Variants in TCERG1L observed in about 807,000 individuals in gnomAD.
TCERG1L encodes the protein transcription elongation regulator 1-like protein.
In TCERG1L, 37 loss-of-function variants were observed where a neutral mutation model predicts 56.3. The ratio of observed to expected loss-of-function variants is 0.66; its 90% confidence interval spans 0.51 to 0.87. The LOEUF (loss-of-function observed/expected upper bound fraction) is 0.87, where lower values mean the gene tolerates loss of function less well. Ranked by LOEUF, TCERG1L falls within the 40% of genes least tolerant of loss-of-function variation. TCERG1L has a pLI of 0.00. For missense variants in TCERG1L, 799 were observed against 774.2 expected, an observed-to-expected ratio of 1.03 and a Z score of -0.38; for synonymous variants, 324 against 326.3, an observed-to-expected ratio of 0.99 and a Z score of 0.08.
At chr10:131,104,498 G>A in intron 9 of TCERG1L, 144 bp from the exon 10 acceptor site, 1 of 564,358 alleles carries the variant, frequency 1.8e-6, no homozygotes, top group East Asian at 2.9e-5. Context: ...TGCAGTATAA[G>A]TGTTAGACAT....
intron 4 of TCERG1L, among the ~76,000 whole-genome samples, chr10:131,217,708 CTTTTTTTTTTTT>C (rs534101797): frequency 1.8e-4 from 14 of 79,046 alleles, no homozygotes; most frequent in Non-Finnish European, 3.0e-4. Context: ...AGTAGCTGCC[CTTTTTTTTTTTT>C]TTTTTTTTTT....
intron 3 of TCERG1L, among the ~76,000 whole-genome samples, chr10:131,286,458 A>G (rs1244246025): frequency 6.6e-6 from 1 of 152,244 alleles, no homozygotes; most frequent in Non-Finnish European, 1.5e-5. Context: ...GCACCCGCAT[A>G]CTAGCCTTAT....
intron 10 of TCERG1L, among the ~76,000 whole-genome samples, chr10:131,100,089 A>C (rs978902405): frequency 9.2e-5 from 14 of 151,604 alleles, no homozygotes; most frequent in African/African-American, 2.7e-4. Context: ...CTGGTTGCGA[A>C]CTCCTGACCT....
At chr10:131,219,896 C>T (rs949982264) in intron 4 of TCERG1L, among the ~76,000 whole-genome samples, 28 of 152,306 alleles carry the variant, frequency 1.8e-4, no homozygotes, top group African/African-American at 6.5e-4. Context: ...GGCTCACCCT[C>T]GGATGAGCGT....
intron 4 of TCERG1L, among the ~76,000 whole-genome samples, chr10:131,247,527 A>G (rs112695991): frequency 0.012 from 1,893 of 152,264 alleles, 36 homozygotes; most frequent in African/African-American, 0.039. Flanking sequence ...CGAGGCCCTG[A>G]GGCTTATGAA....
chr10:131,204,753 G>A (rs1845498074), intron 4 of TCERG1L, among the ~76,000 whole-genome samples: 1 of 152,252 alleles, frequency 6.6e-6, no homozygotes, highest in African/African-American at 2.4e-5. Flanking sequence ...AGGCCCCGAT[G>A]GCAGTGGACT....
intron 3 of TCERG1L, among the ~76,000 whole-genome samples, chr10:131,293,356 G>A (rs779730303): frequency 1.3e-5 from 2 of 152,054 alleles, no homozygotes; most frequent in African/African-American, 2.4e-5. Context: ...GAGTATCGCC[G>A]TCTTGGACAA....
At chr10:131,293,048 G>A (rs1846649857) in intron 3 of TCERG1L, among the ~76,000 whole-genome samples, 2 of 151,912 alleles carry the variant, frequency 1.3e-5, no homozygotes, top group African/African-American at 2.4e-5. Flanking sequence ...ACAGCGTTTC[G>A]CCATGTTGGC....
intron 4 of TCERG1L, among the ~76,000 whole-genome samples, chr10:131,245,399 T>A (rs531648681): frequency 1.4e-4 from 20 of 139,204 alleles, no homozygotes; most frequent in Admixed American, 3.0e-4. Flanking sequence ...GTTAATTGGT[T>A]TAAAATAATA....
intron 8 of TCERG1L, among the ~76,000 whole-genome samples, chr10:131,130,128 G>A (rs893717929): frequency 3.3e-5 from 5 of 151,484 alleles, no homozygotes; most frequent in East Asian, 1.9e-4. Context: ...ACAGTTCCAC[G>A]GTTCTGGGAG....
chr10:131,289,587 C>T (rs113818294), intron 3 of TCERG1L, among the ~76,000 whole-genome samples: 1 of 48,818 alleles, frequency 2.0e-5, no homozygotes, highest in African/African-American at 5.7e-5. Context: ...CCTCCATCTC[C>T]TATCAATGTG....
chr10:131,297,513 A>T (rs1846711597), intron 3 of TCERG1L, among the ~76,000 whole-genome samples: 1 of 152,184 alleles, frequency 6.6e-6, no homozygotes, highest in Non-Finnish European at 1.5e-5. Context: ...GTATGTTCAA[A>T]AATTGTATTG....
At chr10:131,128,656 G>A (rs896247003) in intron 8 of TCERG1L, among the ~76,000 whole-genome samples, 3 of 152,170 alleles carry the variant, frequency 2.0e-5, no homozygotes, top group South Asian at 2.1e-4. Flanking sequence ...CAGTTTAAAC[G>A]ATACCTTGAG....
In TCERG1L at chr10:131,136,771, C is replaced by T. The variant is rs1017845952; in HGVS notation, c.1190-2323G>A. ...TCAGCCTTCCATAATGCTGGGATTA[C>T]AGGCGTGAGCCACCATGCCGGGCCA... On this transcript the variant is annotated intron_variant, in intron 7 of 11. Coordinates refer to ENST00000368642, the MANE Select transcript of TCERG1L (RefSeq NM_174937.4). Among the ~76,000 whole-genome samples the T allele has an allele frequency of 7.9e-5, 12 of 151,314 alleles. No individual in the cohort carries two copies. The East Asian group carries it at 1.8e-3, about 23-fold the overall frequency.
intron 4 of TCERG1L, among the ~76,000 whole-genome samples, chr10:131,203,352 C>A (rs1035988910): frequency 1.4e-5 from 2 of 144,656 alleles, no homozygotes; most frequent in South Asian, 4.4e-4. Flanking sequence ...CAGTGGTGAC[C>A]TTCATGGTCT....
At chr10:131,215,505 T>C (rs1362311926) in intron 4 of TCERG1L, among the ~76,000 whole-genome samples, 28 of 152,180 alleles carry the variant, frequency 1.8e-4, no homozygotes, top group Non-Finnish European at 2.9e-5. Flanking sequence ...AGGAGATGAA[T>C]GAATCCAACC....
At chr10:131,159,333 T>C (rs1181309288) in intron 6 of TCERG1L, among the ~76,000 whole-genome samples, 1 of 152,176 alleles carries the variant, frequency 6.6e-6, no homozygotes, top group African/African-American at 2.4e-5. Flanking sequence ...TGGGCTGTTG[T>C]GCCTCTGGCA....
intron 4 of TCERG1L, among the ~76,000 whole-genome samples, chr10:131,240,197 A>C (rs1395355090): frequency 6.6e-6 from 1 of 152,106 alleles, no homozygotes; most frequent in Non-Finnish European, 1.5e-5. Flanking sequence ...TGTCCTTTTC[A>C]TGCCCAGTTC....
At chr10:131,184,231 G>T (rs12255029) in intron 4 of TCERG1L, among the ~76,000 whole-genome samples, 1 of 152,094 alleles carries the variant, frequency 6.6e-6, no homozygotes, top group African/African-American at 2.4e-5. Flanking sequence ...CTATTCTAGC[G>T]TATCACATTT....
Sources: allele counts gnomAD v4.1 joint callset (sites outside exome capture counted in the v4.1 genomes callset), GRCh38; gene constraint gnomAD v4.1.1; transcripts MANE v1.5; gene names NCBI Gene and HGNC (gene_info 2026-07-23, HGNC 2026-07-21).